Variants in ERI3 observed in about 807,000 individuals in gnomAD.
ERI3 encodes ERI1 exoribonuclease family member 3.
A neutral mutation model predicts 44.4 loss-of-function variants in ERI3; 18 were observed. That is an observed-to-expected ratio of 0.41 (90% CI 0.28 to 0.60). The LOEUF is 0.60. Among genes scored for constraint, ERI3 ranks in the 20% least tolerant of loss-of-function variants. The pLI is 0.36. For synonymous variants in ERI3, 183 were observed against 164.8 expected (o/e 1.11, Z -0.84); for missense variants, 294 against 435.5 (o/e 0.68, Z 2.89).
chr1:44,332,161 C>T (rs1022151274), intron 3 of ERI3, among the ~76,000 whole-genome samples: 9 of 152,098 alleles, frequency 5.9e-5, no homozygotes, highest in South Asian at 2.1e-4. Flanking sequence ...CTGACTTAGG[C>T]GGTTTTTTTA....
chr1:44,295,062 T>A lies in ERI3; in HGVS notation c.759-10155A>T, dbSNP rs531899033. Among the ~76,000 whole-genome samples the A allele has an allele frequency of 2.0e-3, 309 of 152,332 alleles. 1 individual carries two copies. Among genetic ancestry groups the A allele is most frequent in the Non-Finnish European group, 3.3e-3 (225 of 68,042 alleles). On this transcript the variant is annotated intron_variant, in intron 6 of 8. Transcript: ENST00000372257. ...GCTCCCCTGACACCTTCAAGAGGTA[T>A]AAGCACTTGTCCTATACAGAGTAAG... is the stretch of plus-strand genomic sequence containing the variant.
chr1:44,321,248 G>A (rs921896757), intron 3 of ERI3, among the ~76,000 whole-genome samples: 14 of 152,282 alleles, frequency 9.2e-5, no homozygotes, highest in Admixed American at 7.8e-4. Flanking sequence ...ATGCCAGAGA[G>A]ATTCAAAGAT....
rs1644703380 is a variant in ERI3 at position 44,252,535 on chromosome 1, C to T, written c.832-4497G>A. 6.6e-6 allele frequency among the ~76,000 whole-genome samples: 1 copy of T among 152,232 alleles called. No individual in the cohort carries two copies. The highest frequency in any genetic ancestry group is 2.4e-5 in the African/African-American group (1 of 41,460). ...TGCTATTACATGCAAACACTGATCG[C>T]CCTGTGAAATTACATTGCTGGGCCC... On this transcript the variant is annotated intron_variant, in intron 7 of 8. Transcript: ENST00000372257. The surrounding 1 kb of genome is among the most constrained non-coding windows in gnomAD (Gnocchi z 4.7).
Position 44,355,113 on chromosome 1 carries a change from G to A in ERI3, c.-87C>T, listed in dbSNP as rs941058249. 2.2e-4 allele frequency: 268 copies of A among 1,240,772 alleles called. No individual in the cohort carries two copies. The highest frequency in any genetic ancestry group is 2.6e-4 in the Non-Finnish European group (255 of 986,592). 76.9% of individuals were successfully genotyped at this position (1,240,772 alleles called of 1,614,324 possible). On this transcript the variant is annotated 5_prime_UTR_variant, in exon 1 of 9. Transcript: ENST00000372257. The stretch of plus-strand genomic sequence containing the variant: ...TCCCTCGGCCTCAGCAAGCGCTCAG[G>A]GCAGTTGGCGGCGGCGGGCGCGGCC...
chr1:44,348,720 G>T (rs1043314772), intron 2 of ERI3, among the ~76,000 whole-genome samples: 1 of 152,184 alleles, frequency 6.6e-6, no homozygotes, highest in Admixed American at 6.5e-5. Context: ...ATCTGGACAC[G>T]GCATGCATCA....
intron 8 of ERI3, among the ~76,000 whole-genome samples, chr1:44,238,467 G>T (rs1211242419): frequency 2.0e-5 from 3 of 152,122 alleles, no homozygotes; most frequent in African/African-American, 7.2e-5. Flanking sequence ...CCAATCACCG[G>T]CTCCTTTCGG....
chr1:44,272,572 T>A (rs1038912871), intron 7 of ERI3, among the ~76,000 whole-genome samples: 1 of 152,214 alleles, frequency 6.6e-6, no homozygotes, highest in Non-Finnish European at 1.5e-5. Flanking sequence ...CCAGGCACAG[T>A]GGCTCACACC....
At chr1:44,227,288 C>A (rs1572053886) in intron 8 of ERI3, among the ~76,000 whole-genome samples, 1 of 152,186 alleles carries the variant, frequency 6.6e-6, no homozygotes, top group East Asian at 1.9e-4. Flanking sequence ...GTCCATGGAA[C>A]AGGGACCAGA....
chr1:44,239,455 A>T (rs1644384690), intron 8 of ERI3, among the ~76,000 whole-genome samples: 1 of 152,208 alleles, frequency 6.6e-6, no homozygotes, highest in Admixed American at 6.5e-5. Context: ...AAAAGAACTA[A>T]GCGGCTGCAG....
intron 3 of ERI3, among the ~76,000 whole-genome samples, chr1:44,326,945 C>A (rs1158300091): frequency 1.3e-5 from 2 of 152,152 alleles, no homozygotes; most frequent in South Asian, 2.1e-4. Flanking sequence ...ATGAAGGAGA[C>A]CAAGTCTTAG....
intron 6 of ERI3, among the ~76,000 whole-genome samples, chr1:44,285,707 A>G (rs1460003037): frequency 6.6e-6 from 1 of 152,214 alleles, no homozygotes; most frequent in African/African-American, 2.4e-5. Context: ...AGTAAGATGT[A>G]ACTCTTGACC....
At chr1:44,272,341 C>A (rs1645103634) in intron 7 of ERI3, among the ~76,000 whole-genome samples, 1 of 152,176 alleles carries the variant, frequency 6.6e-6, no homozygotes, top group Non-Finnish European at 1.5e-5. Flanking sequence ...CCAGACCACA[C>A]AGCTAGTGAG....
In ERI3 at chr1:44,235,441, C is replaced by T. The variant is rs959538776; in HGVS notation, c.931+12498G>A. ...TGTGCTCCCACAGCAGCCAATTCTC[C>T]GCCTATCGTAACTGCCTCTCCTTCA... On this transcript the variant is annotated intron_variant, in intron 8 of 8. Coordinates refer to ENST00000372257, the MANE Select transcript of ERI3 (RefSeq NM_024066.3). The surrounding 1 kb of genome is among the most constrained non-coding windows in gnomAD (Gnocchi z 4.6). 4.6e-5 allele frequency among the ~76,000 whole-genome samples: 7 copies of T among 152,146 alleles called. No homozygotes were observed. Among genetic ancestry groups the T allele is most frequent in the African/African-American group, 1.7e-4 (7 of 41,420 alleles).
chr1:44,303,648 C>T (rs977693816), intron 6 of ERI3, among the ~76,000 whole-genome samples: 1 of 152,080 alleles, frequency 6.6e-6, no homozygotes, highest in Non-Finnish European at 1.5e-5. Flanking sequence ...CTGGCCAGCT[C>T]ATGCATGTGG....
At chr1:44,236,424 G>T (rs1353496443) in intron 8 of ERI3, among the ~76,000 whole-genome samples, 1 of 152,134 alleles carries the variant, frequency 6.6e-6, no homozygotes, top group African/African-American at 2.4e-5. Flanking sequence ...GCTACAAATG[G>T]GGAGAGCAGG....
chr1:44,350,869 A>C lies in ERI3; in HGVS notation c.211+1981T>G, dbSNP rs562137336. Among the ~76,000 whole-genome samples, 152 of 151,820 alleles carry C rather than the reference A, an allele frequency of 1.0e-3. 1 individual carries two copies. The highest frequency in any genetic ancestry group is 3.4e-3 in the African/African-American group (141 of 41,352). On this transcript the variant is annotated intron_variant, in intron 2 of 8. Transcript: ENST00000372257. ...CCAAAGTGCTGAGATTATAGGCACG[A>C]GCCATCGTGCCCAGCCATATACTCA...
chr1:44,237,857 G>GCCCACGTGCCTGATCCCA (rs1049229622), intron 8 of ERI3, among the ~76,000 whole-genome samples: 1 of 152,100 alleles, frequency 6.6e-6, no homozygotes, highest in Non-Finnish European at 1.5e-5. Flanking sequence ...CGGTCTGCAT[G>GCCCACGTGCCTGATCCCA]CCCACGTGCC....
chr1:44,245,441 A>C (rs1181638032), intron 8 of ERI3, among the ~76,000 whole-genome samples: 1 of 152,152 alleles, frequency 6.6e-6, no homozygotes, highest in African/African-American at 2.4e-5. Context: ...CTTCAGCCCC[A>C]TGGTGTGCTC....
intron 3 of ERI3, among the ~76,000 whole-genome samples, chr1:44,321,277 G>A (rs1052917422): frequency 1.3e-5 from 2 of 152,136 alleles, no homozygotes; most frequent in East Asian, 1.9e-4. Context: ...CCTTGTCTCC[G>A]TGGGCTGATC....
Sources: allele counts gnomAD v4.1 joint callset (sites outside exome capture counted in the v4.1 genomes callset), GRCh38; gene constraint gnomAD v4.1.1; non-coding constraint Gnocchi (gnomAD v3.1); transcripts MANE v1.5; gene names NCBI Gene and HGNC (gene_info 2026-07-23, HGNC 2026-07-21).